RPF1: variants seen among roughly 807,000 people sequenced by gnomAD.
The protein encoded by RPF1 is ribosome production factor 1 homolog.
In RPF1, 34 loss-of-function variants were observed where a neutral mutation model predicts 41.9. The observed-to-expected ratio is 0.81, with a 90% CI of 0.62 to 1.08. The LOEUF is 1.08. Ranked by LOEUF, RPF1 falls within the 50% of genes least tolerant of loss-of-function variation. RPF1 has a pLI of 0.00. For synonymous variants in RPF1, 140 were observed against 148.9 expected (o/e 0.94, Z 0.43); for missense variants, 425 against 435.2 (o/e 0.98, Z 0.21).
At chr1:84,487,510 C>T (rs1006383195) in intron 3 of RPF1, among the ~76,000 whole-genome samples, 1 of 152,124 alleles carries the variant, frequency 6.6e-6, no homozygotes, top group African/African-American at 2.4e-5. Context: ...ACCAATTCTT[C>T]ATACATATTA....
In RPF1 at chr1:84,498,023, C is replaced by T. The variant is rs1019303833; in HGVS notation, c.*553C>T. Among the ~76,000 whole-genome samples, 3 of 152,152 alleles carry T rather than the reference C, an allele frequency of 2.0e-5. No homozygotes were observed. The highest frequency in any genetic ancestry group is 3.8e-4 in the East Asian group (2 of 5,196). ...TGAGGTTTTTGGTTTTTTGTGCCCA[C>T]GTTGTGGGGAGCTCTTTTTTACCTC... On this transcript the variant is annotated 3_prime_UTR_variant, in exon 9 of 9. Transcript: ENST00000370654.
At position 84,496,558 on chromosome 1, in the gene RPF1, C is replaced by CTTTT. The variant is rs1196548641; in HGVS notation, c.1008+188_1008+189insTTTT. Among the ~76,000 whole-genome samples the CTTTT allele has an allele frequency of 3.7e-3, 451 of 122,736 alleles. 2 individuals are homozygous for CTTTT. The highest frequency in any genetic ancestry group is 0.012 in the African/African-American group (425 of 36,196). 80.5% of individuals were successfully genotyped at this position (122,736 alleles called of 152,430 possible). A position where few individuals can be genotyped will look rare whatever the true frequency, so the allele number is the denominator to read the frequency against. ...AAACCTGTACATCCTGCACATATAC[C>CTTTT]CTTGAACTAAAAAAAAAAAAAAAAA... On this transcript the variant is annotated intron_variant, in intron 8 of 8. Transcript: ENST00000370654.
Position 84,495,392 on chromosome 1 carries a change from C to G in RPF1, c.636C>G (p.His212Gln). Residue 212 changes from histidine to glutamine, a missense_variant, in exon 6 of 9, where the codon CAC becomes CAG. By Grantham distance (24) the His-to-Gln change is conservative. Transcript: ENST00000370654. ...RKTPNGLILS[H>Q]LPNGPTAHFK... ...GAACAGATGGACTTATTTTGAGTCA[C>G]TTGCCAAATGGCCCAACTGCTCATT... 1 of 1,509,388 alleles carries G rather than the reference C, an allele frequency of 6.6e-7. No homozygotes were observed. Among genetic ancestry groups the G allele is most frequent in the South Asian group, 1.2e-5 (1 of 84,990 alleles). The allele number at this position is 1,509,388 out of a possible 1,614,324, so 93.5% of individuals were successfully genotyped here.
Position 84,497,472 on chromosome 1 carries a change from G to A in RPF1, c.*2G>A. The A allele has an allele frequency of 2.5e-6, 4 of 1,607,788 alleles. No homozygotes were observed. Among genetic ancestry groups the A allele is most frequent in the Non-Finnish European group, 3.4e-6 (4 of 1,175,692 alleles). ...AGTAGAAGAAAATTCCATTTATAAA[G>A]TACTGAGAGAATGATATTGGATTTT... On this transcript the variant is annotated 3_prime_UTR_variant, in exon 9 of 9. Coordinates refer to ENST00000370654, the MANE Select transcript of RPF1 (RefSeq NM_025065.7).
At chr1:84,480,680 A>G (rs1449035827) in intron 1 of RPF1, among the ~76,000 whole-genome samples, 1 of 152,208 alleles carries the variant, frequency 6.6e-6, no homozygotes, top group East Asian at 1.9e-4. Flanking sequence ...GCTTTATGGA[A>G]AAAGGTTAAG....
At chr1:84,483,847 C>T (rs1297805857) in intron 3 of RPF1, among the ~76,000 whole-genome samples, 3 of 152,138 alleles carry the variant, frequency 2.0e-5, no homozygotes, top group Non-Finnish European at 4.4e-5. Context: ...TCTCATATCT[C>T]CTGGTATAGT....
At chr1:84,487,632 T>C (rs1283438975) in intron 3 of RPF1, among the ~76,000 whole-genome samples, 1 of 152,124 alleles carries the variant, frequency 6.6e-6, no homozygotes, top group Non-Finnish European at 1.5e-5. Context: ...CACTTAAAGC[T>C]TTTTATGTAA....
intron 3 of RPF1, among the ~76,000 whole-genome samples, chr1:84,483,572 G>T (rs1185423937): frequency 6.6e-6 from 1 of 152,156 alleles, no homozygotes; most frequent in African/African-American, 2.4e-5. Flanking sequence ...TGGCCTGGTG[G>T]TTTTAAAAGA....
At chr1:84,494,761 A>C (rs1020867713) in intron 5 of RPF1, among the ~76,000 whole-genome samples, 5 of 152,292 alleles carry the variant, frequency 3.3e-5, no homozygotes, top group African/African-American at 1.2e-4. Flanking sequence ...TTCTCAGTTC[A>C]TGGGAAATGA....
At chr1:84,493,864 G>C (rs981542533) in intron 5 of RPF1, among the ~76,000 whole-genome samples, 2 of 152,190 alleles carry the variant, frequency 1.3e-5, no homozygotes, top group Non-Finnish European at 2.9e-5. Flanking sequence ...CTACCAGTTA[G>C]GAAACAGGCT....
At chr1:84,493,879 G>A (rs1287205731) in intron 5 of RPF1, among the ~76,000 whole-genome samples, 3 of 152,208 alleles carry the variant, frequency 2.0e-5, no homozygotes, top group African/African-American at 4.8e-5. Flanking sequence ...CAGGCTTGAT[G>A]TGGGCATAGG....
intron 1 of RPF1, among the ~76,000 whole-genome samples, chr1:84,479,822 A>G (rs1252484209): frequency 6.6e-6 from 1 of 152,110 alleles, no homozygotes. Context: ...CCCAGAAGGC[A>G]AAAGTCTCAG....
At chr1:84,484,815 A>C (rs1311652643) in intron 3 of RPF1, among the ~76,000 whole-genome samples, 1 of 150,900 alleles carries the variant, frequency 6.6e-6, no homozygotes, top group Non-Finnish European at 1.5e-5. Flanking sequence ...CCTCCCAAGT[A>C]GCTAGGATTA....
rs1681797066 is a variant in RPF1, at chr1:84,489,633, G to T, written c.367G>T (p.Val123Phe). The T allele has an allele frequency of 1.3e-6, 2 of 1,567,206 alleles. No individual in the cohort carries two copies. The highest frequency in any genetic ancestry group is 8.8e-7 in the Non-Finnish European group (1 of 1,137,748). ...ETTVDPNDEEVAYDEATDEFA... is the reference protein window; with the variant it reads ...ETTVDPNDEEFAYDEATDEFA... ...AATTATTCCTCTTCTCTGTTCTCAG[G>T]TCGCTTATGATGAAGCTACAGATGA... The change falls in exon 4 of 9, where the codon GTC (valine) becomes TTC (phenylalanine). Residue 123 changes from valine to phenylalanine, a missense_variant and splice_region_variant. Transcript: ENST00000370654.
At chr1:84,494,629 TTA>T (rs1681896130) in intron 5 of RPF1, among the ~76,000 whole-genome samples, 2 of 152,176 alleles carry the variant, frequency 1.3e-5, no homozygotes, top group African/African-American at 4.8e-5. Flanking sequence ...TTGAAGAATA[TTA>T]TATAGGTAGC....
intron 7 of RPF1, 87 bp from the exon 8 acceptor site, chr1:84,496,157 C>G (rs1012457067): frequency 1.4e-6 from 2 of 1,457,232 alleles, no homozygotes; most frequent in East Asian, 2.3e-5. Flanking sequence ...AAGTATCATA[C>G]AAGATAAAAT....
chr1:84,487,892 C>G (rs897567005), intron 3 of RPF1, among the ~76,000 whole-genome samples: 12 of 151,846 alleles, frequency 7.9e-5, no homozygotes, highest in Non-Finnish European at 1.8e-4. Context: ...TATATATAAC[C>G]AGTTTATCCA....
intron 3 of RPF1, among the ~76,000 whole-genome samples, chr1:84,488,986 T>C (rs1039231455): frequency 9.9e-5 from 15 of 152,096 alleles, no homozygotes; most frequent in Admixed American, 2.6e-4. Flanking sequence ...TACCAAGATA[T>C]CTATTCTCTT....
chr1:84,496,620 C>T (rs1681940440), intron 8 of RPF1, among the ~76,000 whole-genome samples: 1 of 150,970 alleles, frequency 6.6e-6, no homozygotes, highest in Non-Finnish European at 1.5e-5. Flanking sequence ...AACCTTGGCT[C>T]ATCTGAAGTA....
Sources: allele counts gnomAD v4.1 joint callset (sites outside exome capture counted in the v4.1 genomes callset), GRCh38; gene constraint gnomAD v4.1.1; transcripts MANE v1.5; gene names NCBI Gene and HGNC (gene_info 2026-07-23, HGNC 2026-07-21).